Variants in EYS observed in about 807,000 individuals in gnomAD.
EYS encodes EGF-like photoreceptor maintenance factor.
Under a neutral mutation model 282.1 loss-of-function variants are expected in EYS, and 250 were observed. That is an observed-to-expected ratio of 0.89 (90% CI 0.80 to 0.98). The LOEUF (loss-of-function observed/expected upper bound fraction) is 0.98, where lower values mean the gene tolerates loss of function less well. Ranked by LOEUF, EYS falls within the 50% of genes least tolerant of loss-of-function variation. The pLI is 0.00. For synonymous variants in EYS, 1,355 were observed against 1,282.9 expected, an observed-to-expected ratio of 1.06 and a Z score of -1.20; for missense variants, 4,016 against 3,709.0, an observed-to-expected ratio of 1.08 and a Z score of -2.15.
intron 31 of EYS, among the ~76,000 whole-genome samples, chr6:64,203,972 A>C (rs1334174055): frequency 6.6e-6 from 1 of 152,202 alleles, no homozygotes; most frequent in East Asian, 1.9e-4. Context: ...ATACATTAGT[A>C]TCCAATATAA....
intron 26 of EYS, among the ~76,000 whole-genome samples, chr6:64,578,568 CT>C (rs1186003333): frequency 6.6e-6 from 1 of 151,308 alleles, no homozygotes; most frequent in African/African-American, 2.4e-5. Context: ...TCTACTTTTT[CT>C]TTTATCACAT....
intron 30 of EYS, among the ~76,000 whole-genome samples, chr6:64,247,758 A>C (rs539210401): frequency 1.3e-5 from 2 of 152,190 alleles, no homozygotes; most frequent in South Asian, 2.1e-4. Context: ...TTAAAAAAAA[A>C]CTAATTTTAT....
intron 1 of EYS, among the ~76,000 whole-genome samples, chr6:65,663,869 T>TC (rs1184212119): frequency 9.6e-5 from 6 of 62,222 alleles, no homozygotes; most frequent in African/African-American, 2.0e-4. Flanking sequence ...TTCTTTTCTT[T>TC]TTTTTTTTTT....
chr6:64,646,533 G>A (rs1193240246), intron 22 of EYS, among the ~76,000 whole-genome samples: 1 of 152,140 alleles, frequency 6.6e-6, no homozygotes, highest in Non-Finnish European at 1.5e-5. Context: ...GCAGGGCGCG[G>A]TGACTCACTC....
chr6:64,162,915 C>T (rs1025525043), intron 31 of EYS, among the ~76,000 whole-genome samples: 1 of 152,094 alleles, frequency 6.6e-6, no homozygotes, highest in Non-Finnish European at 1.5e-5. Flanking sequence ...AGTATGAATT[C>T]ATGTATTAAT....
At chr6:65,115,576 A>T (rs1245677725) in intron 12 of EYS, among the ~76,000 whole-genome samples, 1 of 152,110 alleles carries the variant, frequency 6.6e-6, no homozygotes, top group African/African-American at 2.4e-5. Flanking sequence ...TTATCTTTTC[A>T]TTAGGTACAT....
intron 29 of EYS, among the ~76,000 whole-genome samples, chr6:64,378,918 A>T (rs975635205): frequency 6.6e-6 from 1 of 152,216 alleles, no homozygotes; most frequent in East Asian, 1.9e-4. Flanking sequence ...ATTGGTTTTT[A>T]ATTATCAGAA....
chr6:63,968,416 A>G (rs1355506619), intron 35 of EYS, among the ~76,000 whole-genome samples: 2 of 152,130 alleles, frequency 1.3e-5, no homozygotes, highest in African/African-American at 4.8e-5. Flanking sequence ...AGATGCATCT[A>G]ATTGGGGGAA....
intron 31 of EYS, among the ~76,000 whole-genome samples, chr6:64,214,636 T>G (rs140096143): frequency 4.3e-4 from 65 of 152,174 alleles, no homozygotes; most frequent in African/African-American, 1.5e-3. Flanking sequence ...AAGATGTATT[T>G]AAGTAAATAA....
At chr6:64,931,040 G>C (rs570398959) in intron 15 of EYS, among the ~76,000 whole-genome samples, 5 of 152,210 alleles carry the variant, frequency 3.3e-5, no homozygotes, top group Admixed American at 3.3e-4. Flanking sequence ...AGCCCAATTT[G>C]CTTTTTAATG....
chr6:64,781,138 T>G (rs1231938004), intron 22 of EYS, among the ~76,000 whole-genome samples: 6 of 152,168 alleles, frequency 3.9e-5, no homozygotes, highest in Non-Finnish European at 7.3e-5. Context: ...AGGGTAGAGT[T>G]GACAGATTTG....
intron 19 of EYS, among the ~76,000 whole-genome samples, chr6:64,831,897 T>A (rs373762018): frequency 1.6e-4 from 24 of 152,088 alleles, no homozygotes; most frequent in African/African-American, 5.8e-4. Context: ...TCATTCTAAA[T>A]GAGTGAGTCA....
At chr6:65,110,735 C>G (rs1775193081) in intron 12 of EYS, among the ~76,000 whole-genome samples, 1 of 151,704 alleles carries the variant, frequency 6.6e-6, no homozygotes, top group African/African-American at 2.4e-5. Flanking sequence ...ATATAAGGTA[C>G]ATGGAATGGA....
intron 12 of EYS, among the ~76,000 whole-genome samples, chr6:65,228,293 T>A (rs974311397): frequency 6.6e-6 from 1 of 152,036 alleles, no homozygotes; most frequent in African/African-American, 2.4e-5. Context: ...CATAATTGTC[T>A]ATGTGGAATA....
intron 36 of EYS, chr6:63,821,677 G>A (rs1771329347): frequency 6.6e-6 from 1 of 152,268 alleles, no homozygotes; most frequent in Non-Finnish European, 1.5e-5. Context: ...GTAGGACAAA[G>A]ATAGTGTGTT....
intron 12 of EYS, among the ~76,000 whole-genome samples, chr6:65,100,772 C>CA (rs527752155): frequency 0.011 from 1,524 of 135,274 alleles, 9 homozygotes; most frequent in Non-Finnish European, 0.015. Flanking sequence ...ATAAAAGCTC[C>CA]AAAAAAAAAA....
chr6:64,335,188 T>C (rs984027762), intron 29 of EYS, among the ~76,000 whole-genome samples: 9 of 152,008 alleles, frequency 5.9e-5, no homozygotes, highest in Non-Finnish European at 1.2e-4. Context: ...TATAACCTAC[T>C]AGTAGTAGTA....
At chr6:65,554,571 A>C (rs1244306759) in intron 2 of EYS, among the ~76,000 whole-genome samples, 1 of 152,132 alleles carries the variant, frequency 6.6e-6, no homozygotes, top group Non-Finnish European at 1.5e-5. Flanking sequence ...CTACTTAGCT[A>C]TCTGCCTTCT....
intron 20 of EYS, 78 bp downstream of exon 20, chr6:64,822,573 A>G: frequency 8.4e-7 from 1 of 1,183,918 alleles, no homozygotes; most frequent in South Asian, 1.6e-5. Context: ...ATCTTTATCA[A>G]CTTTCCCTTG....
Sources: allele counts gnomAD v4.1 joint callset (sites outside exome capture counted in the v4.1 genomes callset), GRCh38; gene constraint gnomAD v4.1.1; transcripts MANE v1.5; gene names NCBI Gene and HGNC (gene_info 2026-07-23, HGNC 2026-07-21).